USP33: variants seen among roughly 807,000 people sequenced by gnomAD.
The protein encoded by USP33 is ubiquitin carboxyl-terminal hydrolase 33.
In USP33, 46 loss-of-function variants were observed where a neutral mutation model predicts 124.2. That is an observed-to-expected ratio of 0.37 (90% CI 0.29 to 0.47). The LOEUF is 0.47. Ranked by LOEUF, USP33 falls within the 20% of genes least tolerant of loss-of-function variation. The probability of loss-of-function intolerance (pLI) is 0.99; values close to 1 mark genes in which losing one functional copy is unlikely to be tolerated. For missense variants in USP33, 851 were observed against 1,070.6 expected (o/e 0.79, Z 2.86); for synonymous variants, 350 against 352.3 (o/e 0.99, Z 0.07).
intron 10 of USP33, among the ~76,000 whole-genome samples, chr1:77,727,869 T>C (rs984614334): frequency 1.3e-5 from 2 of 152,196 alleles, no homozygotes; most frequent in African/African-American, 2.4e-5. Context: ...GGGCTCACTA[T>C]AGTTAATTCA....
At chr1:77,737,134 A>G (rs1678563511) in intron 5 of USP33, among the ~76,000 whole-genome samples, 1 of 152,206 alleles carries the variant, frequency 6.6e-6, no homozygotes, top group Admixed American at 6.5e-5. Context: ...TTGTAATATC[A>G]GAAGATTGAA....
intron 6 of USP33, 49 bp from the exon 7 acceptor site, chr1:77,734,465 A>T: frequency 1.6e-6 from 2 of 1,242,534 alleles, no homozygotes. Context: ...ATGCAAAATG[A>T]CTCAATTTTA....
intron 22 of USP33, among the ~76,000 whole-genome samples, chr1:77,700,408 C>A (rs1023788841): frequency 6.6e-6 from 1 of 152,010 alleles, no homozygotes; most frequent in Non-Finnish European, 1.5e-5. Flanking sequence ...AGTTCCTGGG[C>A]AACACTGTGA....
chr1:77,720,165 G>GAAAAAAAA (rs745681259), intron 15 of USP33, among the ~76,000 whole-genome samples: 13 of 42,746 alleles, frequency 3.0e-4, no homozygotes, highest in African/African-American at 7.6e-4. Context: ...TGTCTCAAAT[G>GAAAAAAAA]AAAAAAAAAA....
At chr1:77,711,691 A>T in intron 21 of USP33, 56 bp downstream of exon 21, 1 of 1,574,048 alleles carries the variant, frequency 6.4e-7, no homozygotes, top group South Asian at 1.2e-5. Context: ...TAACTCTGAT[A>T]ATTGTCAGGT....
At chr1:77,709,957 A>AT (rs1675064888) in intron 21 of USP33, among the ~76,000 whole-genome samples, 1 of 152,018 alleles carries the variant, frequency 6.6e-6, no homozygotes, top group African/African-American at 2.4e-5. Flanking sequence ...AAAGATACCC[A>AT]TAACTCCAAT....
chr1:77,732,417 T>C (rs1301128652), intron 7 of USP33, among the ~76,000 whole-genome samples: 1 of 152,084 alleles, frequency 6.6e-6, no homozygotes, highest in Non-Finnish European at 1.5e-5. Context: ...ATTATCATAG[T>C]CTCCTAGCTG....
rs1008278944 is a variant in USP33, at chr1:77,696,993, A to G, written c.*324T>C. On this transcript the variant is annotated 3_prime_UTR_variant, in exon 24 of 24. Transcript: ENST00000370794. ...GCTACTCGAGAGGCTGAGGCAGGAG[A>G]ATCGCTTGAACCCAGGAGGTGGAGG... 1.5e-4 allele frequency: 24 copies of G among 162,234 alleles called. No individual in the cohort carries two copies. Among genetic ancestry groups the G allele is most frequent in the African/African-American group, 5.7e-4 (24 of 41,864 alleles). The allele number at this position is 162,234 out of a possible 1,614,324, so 10.0% of individuals were successfully genotyped here. A position where few individuals can be genotyped will look rare whatever the true frequency, so the allele number is the denominator to read the frequency against.
chr1:77,747,800 A>G (rs1363109476), intron 1 of USP33, among the ~76,000 whole-genome samples: 1 of 152,258 alleles, frequency 6.6e-6, no homozygotes, highest in African/African-American at 2.4e-5. Context: ...ATCTTAAGAT[A>G]GGAACCCAAT....
At chr1:77,757,847 C>A (rs1166057325) in intron 1 of USP33, among the ~76,000 whole-genome samples, 1 of 152,202 alleles carries the variant, frequency 6.6e-6, no homozygotes, top group Non-Finnish European at 1.5e-5. Flanking sequence ...GCATTCGGAG[C>A]TCAGAGGACT....
At chr1:77,710,664 C>T (rs564386757) in intron 21 of USP33, among the ~76,000 whole-genome samples, 1 of 152,292 alleles carries the variant, frequency 6.6e-6, no homozygotes, top group East Asian at 1.9e-4. Context: ...TGTGTCTACA[C>T]ATGTGCAGGA....
chr1:77,710,012 T>C (rs1675071963), intron 21 of USP33, among the ~76,000 whole-genome samples: 1 of 152,078 alleles, frequency 6.6e-6, no homozygotes, highest in East Asian at 1.9e-4. Context: ...CTTTTCCATA[T>C]TTGAAACTTC....
chr1:77,748,942 T>A (rs899570911), intron 1 of USP33, among the ~76,000 whole-genome samples: 2 of 152,194 alleles, frequency 1.3e-5, no homozygotes, highest in Non-Finnish European at 2.9e-5. Flanking sequence ...AACTCAGCTG[T>A]GAAATTATAT....
intron 18 of USP33, chr1:77,715,000 G>T: frequency 2.2e-6 from 1 of 451,278 alleles, no homozygotes. Context: ...ATAACTACTG[G>T]AACACAGTAA....
chr1:77,735,147 A>G (rs1256502165), intron 6 of USP33, among the ~76,000 whole-genome samples: 2 of 152,158 alleles, frequency 1.3e-5, no homozygotes, highest in East Asian at 3.9e-4. Context: ...AAAAGAAAGT[A>G]GTATTTATTA....
chr1:77,711,090 A>G (rs565427146), intron 21 of USP33, among the ~76,000 whole-genome samples: 41 of 152,320 alleles, frequency 2.7e-4, no homozygotes, highest in Non-Finnish European at 4.6e-4. Context: ...ATATCTCACA[A>G]AAGAATCAAA....
At chr1:77,707,229 C>T (rs776053390) in intron 21 of USP33, among the ~76,000 whole-genome samples, 2 of 152,166 alleles carry the variant, frequency 1.3e-5, no homozygotes, top group Non-Finnish European at 2.9e-5. Context: ...TTTTAGAGAA[C>T]AGAACTCCAA....
At chr1:77,706,278 T>C (rs1431592443) in intron 21 of USP33, among the ~76,000 whole-genome samples, 5 of 152,236 alleles carry the variant, frequency 3.3e-5, no homozygotes, top group Non-Finnish European at 7.3e-5. Context: ...TTGATATTCA[T>C]AGGAATTCCC....
At position 77,730,698 on chromosome 1, in the gene USP33, T is replaced by G. The variant is rs759855829; in HGVS notation, c.558A>C (p.Gly186=). 13 of 1,585,400 alleles carry G rather than the reference T, an allele frequency of 8.2e-6. No homozygotes were observed. In the Admixed American group the frequency reaches 2.3e-4, roughly 28 times the overall value. ...GTTTCTTATCTGTTCGAGCTAGTCC[T>G]CCACAATCAAGAAAAAACTGTGTCA... is the stretch of plus-strand genomic sequence containing the variant. ...PPLTQFFLDC[G]GLARTDKKPA... is the part of the protein sequence containing the mutation. The change falls in exon 8 of 24, where the codon GGA becomes GGC. Residue 186 remains glycine, a synonymous_variant. Coordinates refer to ENST00000370794, the MANE Select transcript of USP33 (RefSeq NM_201624.3).
Sources: gnomAD v4.1 joint callset for allele counts (sites outside exome capture counted in the v4.1 genomes callset) on GRCh38, gnomAD v4.1.1 for gene constraint, MANE v1.5 for transcripts, NCBI Gene and HGNC (gene_info 2026-07-23, HGNC 2026-07-21) for gene names.